Variants in LSAMP observed in about 807,000 individuals in gnomAD.
The protein encoded by LSAMP is limbic system associated membrane protein, also known as limbic system-associated membrane protein.
Under a neutral mutation model 38.6 loss-of-function variants are expected in LSAMP, and 7 were observed. That is an observed-to-expected ratio of 0.18 (90% CI 0.10 to 0.34). The LOEUF is 0.34. Among genes scored for constraint, LSAMP ranks in the 10% least tolerant of loss-of-function variants. LSAMP has a pLI of 1.00. For synonymous variants in LSAMP, 154 were observed against 166.8 expected, an observed-to-expected ratio of 0.92 and a Z score of 0.59; for missense variants, 313 against 420.0, an observed-to-expected ratio of 0.75 and a Z score of 2.23.
At chr3:116,301,642 T>A (rs1477791975) in intron 1 of LSAMP, among the ~76,000 whole-genome samples, 1 of 152,158 alleles carries the variant, frequency 6.6e-6, no homozygotes, top group Admixed American at 6.5e-5. Flanking sequence ...ATTGAGTCAC[T>A]GGAGATATAA....
At chr3:115,825,711 CT>C (rs1443168228) in intron 6 of LSAMP, among the ~76,000 whole-genome samples, 1 of 152,072 alleles carries the variant, frequency 6.6e-6, no homozygotes, top group Non-Finnish European at 1.5e-5. Context: ...TAGAAATTAT[CT>C]TTATTTTTTA....
intron 1 of LSAMP, among the ~76,000 whole-genome samples, chr3:116,186,466 G>A (rs1362027976): frequency 1.3e-5 from 2 of 152,020 alleles, no homozygotes; most frequent in Non-Finnish European, 2.9e-5. Context: ...ATTGGTAGAA[G>A]CCTCTAGGAC....
intron 3 of LSAMP, among the ~76,000 whole-genome samples, chr3:115,894,625 C>A (rs1158573027): frequency 6.6e-6 from 1 of 151,954 alleles, no homozygotes; most frequent in Non-Finnish European, 1.5e-5. Flanking sequence ...ATGCATTGTT[C>A]ATGAAAAATG....
At chr3:116,218,161 T>A (rs1438453931) in intron 1 of LSAMP, among the ~76,000 whole-genome samples, 2 of 152,104 alleles carry the variant, frequency 1.3e-5, no homozygotes, top group African/African-American at 4.8e-5. Context: ...CCTTCCATGC[T>A]GTAATTTTCC....
At chr3:116,056,210 C>T (rs1217858399) in intron 2 of LSAMP, among the ~76,000 whole-genome samples, 1 of 152,014 alleles carries the variant, frequency 6.6e-6, no homozygotes, top group Non-Finnish European at 1.5e-5. Flanking sequence ...ACAGAATTAC[C>T]ATGTCATAAC....
intron 1 of LSAMP, among the ~76,000 whole-genome samples, chr3:116,089,394 G>A (rs932500384): frequency 2.6e-5 from 4 of 152,014 alleles, no homozygotes; most frequent in East Asian, 3.9e-4. Context: ...GTCTCGCTCC[G>A]TCGCCCAGGC....
chr3:116,410,959 C>T (rs919340854), intron 1 of LSAMP, among the ~76,000 whole-genome samples: 1 of 152,074 alleles, frequency 6.6e-6, no homozygotes, highest in Non-Finnish European at 1.5e-5. Context: ...AATCTTATTG[C>T]TGTGGTTTGA....
chr3:115,924,395 T>G (rs1937452386), intron 3 of LSAMP, among the ~76,000 whole-genome samples: 1 of 152,184 alleles, frequency 6.6e-6, no homozygotes, highest in South Asian at 2.1e-4. Context: ...AATTTTACAA[T>G]TGCCAATGGA....
At chr3:115,993,710 T>A (rs561297151) in intron 3 of LSAMP, among the ~76,000 whole-genome samples, 49 of 152,076 alleles carry the variant, frequency 3.2e-4, no homozygotes, top group South Asian at 6.2e-4. Context: ...TTAAAAAAAA[T>A]TTTTTTAAGT....
At chr3:116,420,161 G>A (rs766009180) in intron 1 of LSAMP, among the ~76,000 whole-genome samples, 1 of 150,650 alleles carries the variant, frequency 6.6e-6, no homozygotes, top group Non-Finnish European at 1.5e-5. Context: ...GCAGTGGCAC[G>A]ATCTCAGCTC....
chr3:116,053,740 G>T (rs1052383327), intron 2 of LSAMP, among the ~76,000 whole-genome samples: 2 of 152,138 alleles, frequency 1.3e-5, no homozygotes, highest in Admixed American at 6.5e-5. Context: ...CTGAAGTGTG[G>T]TATTATATTC....
intron 1 of LSAMP, among the ~76,000 whole-genome samples, chr3:116,115,988 A>T (rs1327606757): frequency 2.0e-5 from 3 of 150,436 alleles, no homozygotes; most frequent in African/African-American, 7.4e-5. Context: ...GGAAAGTTTT[A>T]TTGAACTATT....
At chr3:116,426,508 G>A (rs904368792) in intron 1 of LSAMP, among the ~76,000 whole-genome samples, 2 of 150,248 alleles carry the variant, frequency 1.3e-5, no homozygotes, top group African/African-American at 2.4e-5. Context: ...AAAGACCGAG[G>A]TTGGTAATAC....
chr3:116,189,275 G>A (rs758381429), intron 1 of LSAMP, among the ~76,000 whole-genome samples: 1 of 152,180 alleles, frequency 6.6e-6, no homozygotes, highest in African/African-American at 2.4e-5. Context: ...ATAAGGAAGT[G>A]CAATAGAAAT....
chr3:115,982,950 A>T (rs867491261), intron 3 of LSAMP, among the ~76,000 whole-genome samples: 1,361 of 65,756 alleles, frequency 0.021, 12 homozygotes, highest in South Asian at 0.027. Flanking sequence ...TTTTTTTTTT[A>T]AATCCAGTCT....
intron 1 of LSAMP, among the ~76,000 whole-genome samples, chr3:116,376,253 G>T (rs2048491253): frequency 2.0e-5 from 3 of 151,994 alleles, no homozygotes; most frequent in Admixed American, 1.3e-4. Flanking sequence ...TTTAAACAAG[G>T]ATGATGAGAT....
At chr3:116,331,027 A>G (rs2047844603) in intron 1 of LSAMP, among the ~76,000 whole-genome samples, 1 of 152,166 alleles carries the variant, frequency 6.6e-6, no homozygotes, top group South Asian at 2.1e-4. Flanking sequence ...AAGTTAAAAA[A>G]ATATGTATGA....
At chr3:116,305,871 T>C (rs1215267606) in intron 1 of LSAMP, among the ~76,000 whole-genome samples, 1 of 151,602 alleles carries the variant, frequency 6.6e-6, no homozygotes, top group Non-Finnish European at 1.5e-5. Context: ...CAGTCTGAGA[T>C]AATCTGAACT....
chr3:116,387,544 A>G (rs2048641073), intron 1 of LSAMP, among the ~76,000 whole-genome samples: 1 of 152,134 alleles, frequency 6.6e-6, no homozygotes. Context: ...AAACTAACAA[A>G]AAAACTTAGT....
Sources: gnomAD v4.1 joint callset for allele counts (sites outside exome capture counted in the v4.1 genomes callset) on GRCh38, gnomAD v4.1.1 for gene constraint, MANE v1.5 for transcripts, NCBI Gene and HGNC (gene_info 2026-07-23, HGNC 2026-07-21) for gene names.